Variants in TAF1L observed in about 807,000 individuals in gnomAD.
TAF1L encodes the protein transcription initiation factor TFIID subunit 1-like.
A neutral mutation model predicts 128.8 loss-of-function variants in TAF1L; 30 were observed. The observed-to-expected ratio is 0.23, with a 90% CI of 0.17 to 0.32. The LOEUF (loss-of-function observed/expected upper bound fraction) is 0.32. TAF1L is among the 10% of genes least tolerant of loss of function. The probability of loss-of-function intolerance (pLI) is 1.00; values close to 1 mark genes in which losing one functional copy is unlikely to be tolerated. For missense variants in TAF1L, 2,099 were observed against 2,253.7 expected (o/e 0.93, Z 1.39); for synonymous variants, 764 against 790.7 (o/e 0.97, Z 0.57).
At position 32,633,617 on chromosome 9, in the gene TAF1L, C is replaced by T. The variant is rs1822545327; in HGVS notation, c.1963G>A (p.Val655Ile). ...TTGATGTGCTTTAGCAAAGGTTGGA[C>T]TGAATGGGGACCTGGCTGAGAGAGT... Reference protein sequence around the residue: ...GALSQPGPHSVQPLLKHIKKK... With the variant: ...GALSQPGPHSIQPLLKHIKKK... The change falls in exon 1 of 1, where the codon GTC becomes ATC. Residue 655 changes from valine (V) to isoleucine (I), a missense_variant. Val to Ile is a conservative substitution (Grantham distance 29). This residue lies in a region of TAF1L where 1,213 missense variants were observed against 1,391.4 expected (regional missense o/e 0.87). Transcript: ENST00000242310. The T allele has an allele frequency of 1.2e-6, 2 of 1,613,920 alleles. No individual in the cohort carries two copies. Among genetic ancestry groups the T allele is most frequent in the Non-Finnish European group, 1.7e-6 (2 of 1,180,040 alleles).
In TAF1L at chr9:32,631,120, T is replaced by C; in HGVS notation, c.4460A>G (p.Gln1487Arg). ...GAGATCCAGCATGGATTGAGAGATC[T>C]GAGTCAATGAATGTTTTGGCCCATT... ...TYNGPKHSLT[Q>R]ISQSMLDLCD... The change falls in exon 1 of 1, where the codon CAG becomes CGG. Residue 1487 changes from glutamine (Q) to arginine (R), a missense_variant. Gln to Arg is a conservative substitution (Grantham distance 43). Coordinates refer to ENST00000242310, the MANE Select transcript of TAF1L (RefSeq NM_153809.2). This position sits in a 1 kb window ranked among gnomAD's most constrained non-coding sequence, Gnocchi z 4.1. The C allele has an allele frequency of 6.2e-7, 1 of 1,614,272 alleles. No homozygotes were observed. Among genetic ancestry groups the C allele is most frequent in the South Asian group, 1.1e-5 (1 of 91,084 alleles).
At position 32,633,757 on chromosome 9, in the gene TAF1L, A is replaced by G; in HGVS notation, c.1823T>C (p.Ile608Thr). The change falls in exon 1 of 1, where the codon ATC becomes ACC. Residue 608 changes from isoleucine (I) to threonine (T), a missense_variant. This residue lies in a region of TAF1L where 1,213 missense variants were observed against 1,391.4 expected (regional missense o/e 0.87). Coordinates refer to ENST00000242310, the MANE Select transcript of TAF1L (RefSeq NM_153809.2). ...GLRGTFGGNIIQHSIPAMELW... is the reference protein window; with the variant it reads ...GLRGTFGGNITQHSIPAMELW... ...TTCCATAGCAGGAATTGAATGCTGG[A>G]TAATATTCCCTCCAAAGGTGCCCCG... 6.2e-7 allele frequency: 1 copy of G among 1,614,226 alleles called. No homozygotes were observed. The highest frequency in any genetic ancestry group is 2.2e-5 in the East Asian group (1 of 44,888).
chr9:32,633,773 A>C lies in TAF1L; in HGVS notation c.1807T>G (p.Phe603Val). The stretch of plus-strand genomic sequence containing the variant: ...GAATGCTGGATAATATTCCCTCCAA[A>C]GGTGCCCCGAAGACCCTGTTGCTTG... The part of the protein sequence containing the change: ...FPKQQGLRGT[F>V]GGNIIQHSIP... Residue 603 changes from phenylalanine (F) to valine (V), a missense_variant, in exon 1 of 1, where the codon TTT becomes GTT. By Grantham distance (50) the Phe-to-Val change is conservative (BLOSUM62 -1). Coordinates refer to ENST00000242310, the MANE Select transcript of TAF1L (RefSeq NM_153809.2). 6.2e-7 allele frequency: 1 copy of C among 1,614,206 alleles called. No individual in the cohort carries two copies. Among genetic ancestry groups the C allele is most frequent in the Non-Finnish European group, 8.5e-7 (1 of 1,180,042 alleles).
At position 32,632,273 on chromosome 9, in the gene TAF1L, A is replaced by T; in HGVS notation, c.3307T>A (p.Ser1103Thr). ...NKVLSSTEVL[S>T]TDTDSISAED... ...GCTGAGATGCTGTCTGTGTCAGTTG[A>T]TAAGACCTCAGTTGATGACAGAACC... The change falls in exon 1 of 1, where the codon TCA (serine) becomes ACA (threonine). Residue 1103 changes from serine to threonine, a missense_variant. Ser to Thr is a moderately conservative substitution (Grantham distance 58). This residue lies in a region of TAF1L where 1,213 missense variants were observed against 1,391.4 expected (regional missense o/e 0.87). Coordinates refer to ENST00000242310, the MANE Select transcript of TAF1L (RefSeq NM_153809.2). The surrounding 1 kb of genome is among the most constrained non-coding windows in gnomAD (Gnocchi z 4.4). The T allele has an allele frequency of 6.2e-7, 1 of 1,614,240 alleles. No individual in the cohort carries two copies. Among genetic ancestry groups the T allele is most frequent in the Non-Finnish European group, 8.5e-7 (1 of 1,180,050 alleles).
chr9:32,630,867 G>A lies in TAF1L; in HGVS notation c.4713C>T (p.Thr1571=), dbSNP rs768546246. The A allele has an allele frequency of 6.2e-7, 1 of 1,614,108 alleles. No individual in the cohort carries two copies. The highest frequency in any genetic ancestry group is 1.1e-5 in the South Asian group (1 of 91,068). The change falls in exon 1 of 1, where the codon ACC becomes ACT. Residue 1571 remains threonine, a synonymous_variant. Coordinates refer to ENST00000242310, the MANE Select transcript of TAF1L (RefSeq NM_153809.2). ...KMIVNPVDLE[T]IRKNISKHKY... Reference sequence around the variant, plus strand: ...TGTGCTTGGAGATGTTCTTACGTATGGTCTCTAAATCCACTGGATTGACAA... The same window carrying A: ...TGTGCTTGGAGATGTTCTTACGTATAGTCTCTAAATCCACTGGATTGACAA...
chr9:32,630,437 C>A lies in TAF1L; in HGVS notation c.5143G>T (p.Asp1715Tyr), dbSNP rs1439192533. ...TACCCTTCAACATCCACATCAGAGT[C>A]TTCCTCACCCAGCCTACCTTGGCCC... ...CQGQGRLGEE[D>Y]SDVDVEGYDD... The change falls in exon 1 of 1, where the codon GAC (aspartate) becomes TAC (tyrosine). Residue 1715 changes from aspartate to tyrosine, a missense_variant. Coordinates refer to ENST00000242310, the MANE Select transcript of TAF1L (RefSeq NM_153809.2). 1.2e-6 allele frequency: 2 copies of A among 1,614,102 alleles called. No individual in the cohort carries two copies. Among genetic ancestry groups the A allele is most frequent in the East Asian group, 4.5e-5 (2 of 44,892 alleles).
rs1822558180 is a variant in TAF1L, at chr9:32,634,577, G to A, written c.1003C>T (p.Pro335Ser). Reference protein sequence around the residue: ...LADDEITMMVPVESKFSQSTG... With the variant: ...LADDEITMMVSVESKFSQSTG... ...GATTGGGAAAATTTGGACTCCACAG[G>A]AACCATCATCGTGATTTCATCATCA... Residue 335 changes from proline (P) to serine (S), a missense_variant, in exon 1 of 1, where the codon CCT becomes TCT. By Grantham distance (74) the Pro-to-Ser change is moderately conservative (BLOSUM62 -1). This residue lies in a region of TAF1L where 473 missense variants were observed against 429.6 expected (regional missense o/e 1.10). Coordinates refer to ENST00000242310, the MANE Select transcript of TAF1L (RefSeq NM_153809.2). 5.0e-6 allele frequency: 8 copies of A among 1,614,122 alleles called. No homozygotes were observed. Among genetic ancestry groups the A allele is most frequent in the Non-Finnish European group, 6.8e-6 (8 of 1,180,014 alleles).
In TAF1L at chr9:32,634,714, A is replaced by T. The variant is rs761520427; in HGVS notation, c.866T>A (p.Ile289Lys). ...CACCTCCTGGATCTGCTCTTCCTGT[A>T]TCAGCTCACGATGCTTCTTCCTCTT... ...RRKRKKHREL[I>K]QEEQIQEVEC... The change falls in exon 1 of 1, where the codon ATA (isoleucine) becomes AAA (lysine). Residue 289 changes from isoleucine to lysine, a missense_variant. Coordinates refer to ENST00000242310, the MANE Select transcript of TAF1L (RefSeq NM_153809.2). The T allele has an allele frequency of 6.2e-7, 1 of 1,614,146 alleles. No individual in the cohort carries two copies. The highest frequency in any genetic ancestry group is 8.5e-7 in the Non-Finnish European group (1 of 1,180,024).
At position 32,635,077 on chromosome 9, in the gene TAF1L, T is replaced by C. The variant is rs1587672652; in HGVS notation, c.503A>G (p.Asp168Gly). The change falls in exon 1 of 1, where the codon GAT becomes GGT. Residue 168 changes from aspartate to glycine, a missense_variant. Physicochemically the swap from Asp to Gly is moderately conservative, Grantham distance 94. Transcript: ENST00000242310. ...ACAGGTAATAGCATCTTGGTCCTTA[T>C]CCTTCTTCATTGGTCCCGGGGGTGG... ...PPPPPGPMKK[D>G]KDQDAITCVS... 23 of 1,614,132 alleles carry C rather than the reference T, an allele frequency of 1.4e-5. No individual in the cohort carries two copies. The East Asian group carries it at 5.1e-4, about 36-fold the overall frequency.
In TAF1L at chr9:32,634,825, T is replaced by C; in HGVS notation, c.755A>G (p.Glu252Gly). 1 of 1,614,122 alleles carries C rather than the reference T, an allele frequency of 6.2e-7. No homozygotes were observed. Among genetic ancestry groups the C allele is most frequent in the South Asian group, 1.1e-5 (1 of 91,078 alleles). ...LLPSVTELFPEFRPGKVLRFL... is the reference protein window; with the variant it reads ...LLPSVTELFPGFRPGKVLRFL... ...GCGTAACACTTTTCCAGGTCGAAAT[T>C]CTGGAAAAAGTTCGGTGACACTTGG... Residue 252 changes from glutamate to glycine, a missense_variant, in exon 1 of 1, where the codon GAA (glutamate) becomes GGA (glycine). Physicochemically the swap from Glu to Gly is moderately conservative, Grantham distance 98 (BLOSUM62 -2). Around this residue, in one of 4 missense-constraint regions of TAF1L, gnomAD observed 473 missense variants for 429.6 expected, o/e 1.10. Transcript: ENST00000242310.
At position 32,634,802 on chromosome 9, in the gene TAF1L, G is replaced by A. The variant is rs567313961; in HGVS notation, c.778C>T (p.Arg260Cys). Residue 260 changes from arginine (R) to cysteine (C), a missense_variant, in exon 1 of 1, where the codon CGC (arginine) becomes TGC (cysteine). Around this residue, in one of 4 missense-constraint regions of TAF1L, gnomAD observed 473 missense variants for 429.6 expected, o/e 1.10. Transcript: ENST00000242310. Reference sequence around the variant, plus strand: ...CCTGGTCCAAAAAGATGTAGGAAGCGTAACACTTTTCCAGGTCGAAATTCT... The same window carrying A: ...CCTGGTCCAAAAAGATGTAGGAAGCATAACACTTTTCCAGGTCGAAATTCT... ...FPEFRPGKVL[R>C]FLHLFGPGKN... 3.1e-6 allele frequency: 5 copies of A among 1,614,016 alleles called. No individual in the cohort carries two copies. The highest frequency in any genetic ancestry group is 2.7e-5 in the African/African-American group (2 of 74,918).
In TAF1L at chr9:32,630,666, A is replaced by G; in HGVS notation, c.4914T>C (p.Cys1638=). ...CCTCCAAAGCTGCTTCTTTAGCTGT[A>G]CAAATATCCTTCTCAAGTTGAGTCA... ...EHLTQLEKDI[C]TAKEAALEEA... The change falls in exon 1 of 1, where the codon TGT becomes TGC. Residue 1638 remains cysteine (C), a synonymous_variant. Transcript: ENST00000242310. The G allele has an allele frequency of 6.2e-7, 1 of 1,614,226 alleles. No homozygotes were observed. The highest frequency in any genetic ancestry group is 8.5e-7 in the Non-Finnish European group (1 of 1,180,034).
At position 32,630,787 on chromosome 9, in the gene TAF1L, C is replaced by T. The variant is rs1279459976; in HGVS notation, c.4793G>A (p.Ser1598Asn). 1 of 1,614,238 alleles carries T rather than the reference C, an allele frequency of 6.2e-7. No individual in the cohort carries two copies. Among genetic ancestry groups the T allele is most frequent in the Non-Finnish European group, 8.5e-7 (1 of 1,180,044 alleles). ...ACTCTCAGGTCCATTATACTTAACA[C>T]TGTTGGCAAGAATAAGGTTTACATC... ...LDDVNLILAN[S>N]VKYNGPESQY... Residue 1598 changes from serine to asparagine, a missense_variant, in exon 1 of 1, where the codon AGT (serine) becomes AAT (asparagine). Physicochemically the swap from Ser to Asn is conservative, Grantham distance 46 (BLOSUM62 1). Transcript: ENST00000242310.
chr9:32,633,546 A>C lies in TAF1L; in HGVS notation c.2034T>G (p.Gly678=). Residue 678 remains glycine, a synonymous_variant, in exon 1 of 1, where the codon GGT becomes GGG. Transcript: ENST00000242310. ...MREQERQASG[G]GELFFMRTPQ... is the part of the protein sequence containing the mutation. Reference sequence around the variant, plus strand: ...GTGTGCGCATAAAAAACAACTCTCCACCACCTGAGGCTTGCCTCTCTTGTT... The same window carrying C: ...GTGTGCGCATAAAAAACAACTCTCCCCCACCTGAGGCTTGCCTCTCTTGTT... The C allele has an allele frequency of 6.2e-7, 1 of 1,613,970 alleles. No homozygotes were observed. Among genetic ancestry groups the C allele is most frequent in the African/African-American group, 1.3e-5 (1 of 74,962 alleles).
Position 32,629,988 on chromosome 9 carries a change from T to C in TAF1L, c.*111A>G. 1 of 1,564,112 alleles carries C rather than the reference T, an allele frequency of 6.4e-7. No individual in the cohort carries two copies. The highest frequency in any genetic ancestry group is 8.7e-7 in the Non-Finnish European group (1 of 1,155,246). ...TCCGATGCTGCTGAAGCTTGTGTCTTGGGTGTTCAACTTGGGATCAGGCTC... is the reference window on the plus strand; with the variant it reads ...TCCGATGCTGCTGAAGCTTGTGTCTCGGGTGTTCAACTTGGGATCAGGCTC... On this transcript the variant is annotated 3_prime_UTR_variant, in exon 1 of 1. Transcript: ENST00000242310.
Position 32,634,856 on chromosome 9 carries a change from G to A in TAF1L, c.724C>T (p.Leu242=). Residue 242 remains leucine (L), a synonymous_variant, in exon 1 of 1, where the codon CTG becomes TTG. Coordinates refer to ENST00000242310, the MANE Select transcript of TAF1L (RefSeq NM_153809.2). ...AGIMQHDATK[L]LPSVTELFPE... ...AAAAGTTCGGTGACACTTGGCAACA[G>A]CTTGGTGGCATCATGCTGCATAATC... 1 of 1,614,180 alleles carries A rather than the reference G, an allele frequency of 6.2e-7. No homozygotes were observed. Among genetic ancestry groups the A allele is most frequent in the Non-Finnish European group, 8.5e-7 (1 of 1,180,036 alleles).
Position 32,630,320 on chromosome 9 carries a change from G to T in TAF1L, c.5260C>A (p.Gln1754Lys). 5 of 1,614,174 alleles carry T rather than the reference G, an allele frequency of 3.1e-6. No individual in the cohort carries two copies. Among genetic ancestry groups the T allele is most frequent in the Non-Finnish European group, 4.2e-6 (5 of 1,180,026 alleles). Residue 1754 changes from glutamine to lysine, a missense_variant, in exon 1 of 1, where the codon CAA (glutamine) becomes AAA (lysine). By Grantham distance (53) the Gln-to-Lys change is moderately conservative (BLOSUM62 1). This residue lies in a region of TAF1L where 404 missense variants were observed against 406.5 expected (regional missense o/e 0.99). Transcript: ENST00000242310. ...LADEEEGTVQ[Q>K]PEASVLYEDL... ...TCATACAGGACACTGGCTTCAGGTT[G>T]TTGTACAGTTCCTTCCTCTTCATCT...
Position 32,634,397 on chromosome 9 carries a change from C to T in TAF1L, c.1183G>A (p.Val395Met), listed in dbSNP as rs1822556030. ...FKLRKTQHEP[V>M]IKSRMMEEFR... is the part of the protein sequence containing the mutation. Reference sequence around the variant, plus strand: ...TCCTCCATCATTCTAGATTTTATCACAGGTTCATGTTGTGTCTTTCTCAGT... The same window carrying T: ...TCCTCCATCATTCTAGATTTTATCATAGGTTCATGTTGTGTCTTTCTCAGT... Residue 395 changes from valine to methionine, a missense_variant, in exon 1 of 1, where the codon GTG (valine) becomes ATG (methionine). Physicochemically the swap from Val to Met is conservative, Grantham distance 21 (BLOSUM62 1). Transcript: ENST00000242310. 3 of 1,614,224 alleles carry T rather than the reference C, an allele frequency of 1.9e-6. No individual in the cohort carries two copies. The highest frequency in any genetic ancestry group is 2.5e-6 in the Non-Finnish European group (3 of 1,180,038).
Position 32,633,593 on chromosome 9 carries a change from T to G in TAF1L, c.1987A>C (p.Lys663Gln). ...TGTTCTCTCATCTTGGCCTTTTTTTTGATGTGCTTTAGCAAAGGTTGGACT... is the reference window on the plus strand; with the variant it reads ...TGTTCTCTCATCTTGGCCTTTTTTTGGATGTGCTTTAGCAAAGGTTGGACT... ...HSVQPLLKHI[K>Q]KKAKMREQER... Residue 663 changes from lysine (K) to glutamine (Q), a missense_variant, in exon 1 of 1, where the codon AAA becomes CAA. This residue lies in a region of TAF1L where 1,213 missense variants were observed against 1,391.4 expected (regional missense o/e 0.87). Coordinates refer to ENST00000242310, the MANE Select transcript of TAF1L (RefSeq NM_153809.2). The G allele has an allele frequency of 6.2e-7, 1 of 1,614,212 alleles. No homozygotes were observed. Among genetic ancestry groups the G allele is most frequent in the Non-Finnish European group, 8.5e-7 (1 of 1,180,042 alleles).
Sources: gnomAD v4.1 joint callset for allele counts on GRCh38, gnomAD v4.1.1 for gene constraint, gnomAD v4.1.1 regional missense constraint, Gnocchi (gnomAD v3.1) non-coding constraint, MANE v1.5 for transcripts, NCBI Gene and HGNC (gene_info 2026-07-23, HGNC 2026-07-21) for gene names.